The following ADGRB3 variants were observed in gnomAD, a reference collection of about 807,000 sequenced individuals.
ADGRB3 encodes adhesion G protein-coupled receptor B3, also known as brain-specific angiogenesis inhibitor 3.
Under a neutral mutation model 193.4 loss-of-function variants are expected in ADGRB3, and 37 were observed. The ratio of observed to expected loss-of-function variants is 0.19; its 90% confidence interval spans 0.15 to 0.25. The LOEUF is 0.25. Ranked by LOEUF, ADGRB3 falls within the 10% of genes least tolerant of loss-of-function variation. ADGRB3 has a pLI of 1.00. For synonymous variants in ADGRB3, 690 were observed against 644.2 expected (o/e 1.07, Z -1.08); for missense variants, 1,637 against 1,852.9 (o/e 0.88, Z 2.14).
At chr6:69,121,332 T>C (rs1207833370) in intron 17 of ADGRB3, among the ~76,000 whole-genome samples, 3 of 152,322 alleles carry the variant, frequency 2.0e-5, no homozygotes, top group South Asian at 2.1e-4. Flanking sequence ...GGTAAGGTTA[T>C]AGATTAACGG....
At chr6:69,021,428 T>G (rs1459052735) in intron 13 of ADGRB3, among the ~76,000 whole-genome samples, 1 of 151,912 alleles carries the variant, frequency 6.6e-6, no homozygotes. Flanking sequence ...TTATTTTATT[T>G]CAACTTTAAA....
chr6:69,204,401 A>G (rs913457664), intron 17 of ADGRB3, among the ~76,000 whole-genome samples: 2 of 152,180 alleles, frequency 1.3e-5, no homozygotes, highest in African/African-American at 2.4e-5. Context: ...ATATGTGCCA[A>G]TATGGCAATT....
intron 3 of ADGRB3, among the ~76,000 whole-genome samples, chr6:68,870,749 T>C (rs1020058152): frequency 6.6e-6 from 1 of 152,236 alleles, no homozygotes; most frequent in South Asian, 2.1e-4. Context: ...AGTTTCCTCA[T>C]GTTTAATATG....
chr6:69,031,563 C>CT (rs1469477498), intron 13 of ADGRB3, among the ~76,000 whole-genome samples: 1 of 109,824 alleles, frequency 9.1e-6, no homozygotes, highest in African/African-American at 3.2e-5. Flanking sequence ...TTCTTTCTTT[C>CT]TTTTCTTCCT....
At chr6:68,783,519 G>T (rs939707083) in intron 3 of ADGRB3, among the ~76,000 whole-genome samples, 4 of 151,564 alleles carry the variant, frequency 2.6e-5, no homozygotes, top group African/African-American at 9.7e-5. Flanking sequence ...AAAGACAAGG[G>T]CATAAGGGCA....
At chr6:69,240,229 G>T (rs1047586520) in intron 20 of ADGRB3, among the ~76,000 whole-genome samples, 6 of 151,992 alleles carry the variant, frequency 3.9e-5, no homozygotes, top group African/African-American at 1.4e-4. Flanking sequence ...GTAGGACCTA[G>T]GAGGCTGCTT....
chr6:69,361,601 T>C, intron 29 of ADGRB3, 89 bp downstream of exon 29: 1 of 1,396,682 alleles, frequency 7.2e-7, no homozygotes, highest in Non-Finnish European at 9.7e-7. Context: ...GATTGATTGA[T>C]GTGACACTGG....
At chr6:69,372,930 A>G (rs1278536996) in intron 30 of ADGRB3, among the ~76,000 whole-genome samples, 1 of 151,634 alleles carries the variant, frequency 6.6e-6, no homozygotes. Flanking sequence ...TTTTTTTTTC[A>G]GTAGAAACTA....
chr6:68,805,237 A>G (rs1427075546), intron 3 of ADGRB3, among the ~76,000 whole-genome samples: 1 of 152,218 alleles, frequency 6.6e-6, no homozygotes, highest in African/African-American at 2.4e-5. Flanking sequence ...CACTGTGCTC[A>G]GCCATTCTAA....
At chr6:69,061,071 G>GAAA (rs201050958) in intron 15 of ADGRB3, among the ~76,000 whole-genome samples, 4 of 140,598 alleles carry the variant, frequency 2.8e-5, no homozygotes, top group Non-Finnish European at 1.6e-5. Context: ...ATCATTTAAT[G>GAAA]AAAAAAAAAA....
chr6:68,927,258 A>G (rs1230950765), intron 3 of ADGRB3, among the ~76,000 whole-genome samples: 1 of 152,062 alleles, frequency 6.6e-6, no homozygotes, highest in Non-Finnish European at 1.5e-5. Context: ...TTATTTGGTT[A>G]TGTTCTTTTT....
rs763509415 is a variant in ADGRB3 at position 68,956,696 on chromosome 6, G to A, written c.1412G>A (p.Cys471Tyr). ...WGHWSGCSKS[C>Y]DGGWERRIRT... ...CATTGGAGTGGTTGTTCCAAGTCCTGTGATGGCGGCTGGGAAAGGCGAATA... is the reference window on the plus strand; with the variant it reads ...CATTGGAGTGGTTGTTCCAAGTCCTATGATGGCGGCTGGGAAAGGCGAATA... Residue 471 changes from cysteine to tyrosine, a missense_variant, in exon 8 of 32, where the codon TGT becomes TAT. Physicochemically the swap from Cys to Tyr is radical, Grantham distance 194 (BLOSUM62 -2). This residue lies in a region of ADGRB3 where 641 missense variants were observed against 673.9 expected (regional missense o/e 0.95). Coordinates refer to ENST00000370598, the MANE Select transcript of ADGRB3 (RefSeq NM_001704.3). 6.2e-7 allele frequency: 1 copy of A among 1,614,068 alleles called. No individual in the cohort carries two copies.
chr6:68,894,975 GA>G (rs951954599), intron 3 of ADGRB3, among the ~76,000 whole-genome samples: 8 of 149,780 alleles, frequency 5.3e-5, no homozygotes, highest in South Asian at 2.1e-4. Flanking sequence ...CATCATAGTT[GA>G]AAAAAAAAGT....
intron 3 of ADGRB3, among the ~76,000 whole-genome samples, chr6:68,856,713 A>AT: frequency 6.6e-6 from 1 of 152,314 alleles, no homozygotes; most frequent in African/African-American, 2.4e-5. Context: ...ATAAAATCCC[A>AT]TTTTCTGGGG....
At chr6:69,193,049 G>T (rs542197091) in intron 17 of ADGRB3, among the ~76,000 whole-genome samples, 1 of 152,192 alleles carries the variant, frequency 6.6e-6, no homozygotes, top group East Asian at 1.9e-4. Flanking sequence ...AACTGTCAAG[G>T]TAAGTTACCT....
At chr6:68,660,982 A>G (rs1274963394) in intron 3 of ADGRB3, among the ~76,000 whole-genome samples, 2 of 150,838 alleles carry the variant, frequency 1.3e-5, no homozygotes, top group East Asian at 3.9e-4. Flanking sequence ...ATGTATTTGT[A>G]TGTATTTATT....
intron 17 of ADGRB3, among the ~76,000 whole-genome samples, chr6:69,172,643 C>CAAAAAAAAAAAAAAAAAAAAAAAAAA (rs70987454): frequency 1.5e-4 from 4 of 26,826 alleles, no homozygotes; most frequent in Admixed American, 6.6e-4. Flanking sequence ...GACTCTGTCT[C>CAAAAAAAAAAAAAAAAAAAAAAAAAA]AAAAAAAAAA....
chr6:69,021,804 A>G (rs931232219), intron 13 of ADGRB3, among the ~76,000 whole-genome samples: 2 of 151,792 alleles, frequency 1.3e-5, no homozygotes, highest in Non-Finnish European at 3.0e-5. Flanking sequence ...TTTCTGAAAA[A>G]TCTCCCTGTC....
chr6:68,760,888 A>G (rs1181940009), intron 3 of ADGRB3, among the ~76,000 whole-genome samples: 1 of 152,248 alleles, frequency 6.6e-6, no homozygotes, highest in Non-Finnish European at 1.5e-5. Context: ...CAATTTAGAT[A>G]TGTGGCATAT....
Sources: allele counts gnomAD v4.1 joint callset (sites outside exome capture counted in the v4.1 genomes callset), GRCh38; gene constraint gnomAD v4.1.1; regional missense constraint gnomAD v4.1.1; transcripts MANE v1.5; gene names NCBI Gene and HGNC (gene_info 2026-07-23, HGNC 2026-07-21).